The following CNNM2 variants were observed in gnomAD, a reference collection of about 807,000 sequenced individuals.
CNNM2 encodes cyclin and CBS domain divalent metal cation transport mediator 2, also known as metal transporter CNNM2.
Under a neutral mutation model 66.9 loss-of-function variants are expected in CNNM2, and 12 were observed. The observed-to-expected ratio is 0.18, with a 90% CI of 0.11 to 0.29. The LOEUF is 0.29. Among genes scored for constraint, CNNM2 ranks in the 10% least tolerant of loss-of-function variants. The pLI is 1.00. For missense variants in CNNM2, 705 were observed against 1,167.7 expected, an observed-to-expected ratio of 0.60 and a Z score of 5.77; for synonymous variants, 557 against 501.8, an observed-to-expected ratio of 1.11 and a Z score of -1.47.
At chr10:103,065,685 G>C (rs1219030254) in intron 4 of CNNM2, among the ~76,000 whole-genome samples, 1 of 152,206 alleles carries the variant, frequency 6.6e-6, no homozygotes, top group Non-Finnish European at 1.5e-5. Context: ...CACTGCATTT[G>C]ACTCTTCCTC....
chr10:103,074,891 T>TA (rs1335849955), intron 6 of CNNM2, among the ~76,000 whole-genome samples: 2 of 152,136 alleles, frequency 1.3e-5, no homozygotes, highest in Non-Finnish European at 1.5e-5. Context: ...TTGGAGTACT[T>TA]ATGTTTTGTT....
At chr10:103,001,602 C>A (rs1214094880) in intron 1 of CNNM2, among the ~76,000 whole-genome samples, 1 of 152,098 alleles carries the variant, frequency 6.6e-6, no homozygotes, top group Non-Finnish European at 1.5e-5. Flanking sequence ...AAACAGTGTG[C>A]TGAGACAATT....
intron 1 of CNNM2, among the ~76,000 whole-genome samples, chr10:102,975,558 A>G (rs2063616292): frequency 6.6e-6 from 1 of 151,792 alleles, no homozygotes; most frequent in South Asian, 2.1e-4. Context: ...AAATACATGT[A>G]TGTACACTGA....
At chr10:103,068,026 C>G (rs574746211) in intron 4 of CNNM2, among the ~76,000 whole-genome samples, 1 of 152,308 alleles carries the variant, frequency 6.6e-6, no homozygotes, top group East Asian at 1.9e-4. Context: ...CAAACCATGT[C>G]GGCCCTTGAC....
At chr10:102,986,756 G>A (rs1008173412) in intron 1 of CNNM2, among the ~76,000 whole-genome samples, 1 of 147,704 alleles carries the variant, frequency 6.8e-6, no homozygotes, top group African/African-American at 2.5e-5. Context: ...CTCCAGCCGG[G>A]GTGACAGTGC....
chr10:103,047,879 T>TA (rs1432774107), intron 1 of CNNM2, among the ~76,000 whole-genome samples: 1 of 152,212 alleles, frequency 6.6e-6, no homozygotes, highest in African/African-American at 2.4e-5. Context: ...GAGAAGCTGT[T>TA]ACGCTCGTGG....
chr10:102,949,889 T>G (rs1846764739), intron 1 of CNNM2, among the ~76,000 whole-genome samples: 1 of 152,204 alleles, frequency 6.6e-6, no homozygotes, highest in South Asian at 2.1e-4. Context: ...TATTGGGTTG[T>G]GAATAAGCTT....
rs182442281 is a variant in CNNM2, at chr10:102,973,650, C to T, written c.1621+53549C>T. Among the ~76,000 whole-genome samples, 14 of 152,092 alleles carry T rather than the reference C, an allele frequency of 9.2e-5. No homozygotes were observed. In the East Asian group the frequency reaches 1.5e-3, roughly 17 times the overall value. ...GGGATTACAGGCATGAGCCACTGTG[C>T]CTGGCCTTATGCAGTGACTTTTAAT... On this transcript the variant is annotated intron_variant, in intron 1 of 7. Coordinates refer to ENST00000369878, the MANE Select transcript of CNNM2 (RefSeq NM_017649.5).
At chr10:102,966,982 G>A (rs1411028421) in intron 1 of CNNM2, among the ~76,000 whole-genome samples, 1 of 152,130 alleles carries the variant, frequency 6.6e-6, no homozygotes, top group African/African-American at 2.4e-5. Context: ...CAATCTGGTA[G>A]GTCCATGGGG....
rs1376091088 is a variant in CNNM2, at chr10:102,918,684, G to C, written c.204G>C (p.Glu68Asp). 1 of 1,555,250 alleles carries C rather than the reference G, an allele frequency of 6.4e-7. No homozygotes were observed. The highest frequency in any genetic ancestry group is 8.7e-7 in the Non-Finnish European group (1 of 1,150,020). The change falls in exon 1 of 8, where the codon GAG (glutamate) becomes GAC (aspartate). Residue 68 changes from glutamate (E) to aspartate (D), a missense_variant. Around this residue, in one of 9 missense-constraint regions of CNNM2, gnomAD observed 37 missense variants for 58.5 expected, o/e 0.63. Coordinates refer to ENST00000369878, the MANE Select transcript of CNNM2 (RefSeq NM_017649.5). This position sits in a 1 kb window ranked among gnomAD's most constrained non-coding sequence, Gnocchi z 4.1. ...CGAGGCAAVG[E>D]NEETVIIGLR... ...CGGGCGGCTGCGCAGCGGTGGGCGA[G>C]AATGAGGAGACGGTGATCATCGGGC...
chr10:102,932,431 G>C (rs1181620321), intron 1 of CNNM2, among the ~76,000 whole-genome samples: 1 of 152,012 alleles, frequency 6.6e-6, no homozygotes, highest in East Asian at 1.9e-4. Context: ...AAAGATTTAT[G>C]CCTATGTTTT....
chr10:103,058,840 CTCAG>C (rs2065337665), intron 4 of CNNM2, among the ~76,000 whole-genome samples: 1 of 152,206 alleles, frequency 6.6e-6, no homozygotes, highest in Non-Finnish European at 1.5e-5. Context: ...CCCTCACAGC[CTCAG>C]TCAATCTGGC....
chr10:102,944,401 C>T (rs1282292520), intron 1 of CNNM2, among the ~76,000 whole-genome samples: 1 of 152,106 alleles, frequency 6.6e-6, no homozygotes, highest in Non-Finnish European at 1.5e-5. Context: ...CTTATAGTAC[C>T]TGTCTGGAAA....
chr10:103,034,057 ATAAT>A (rs1168401848), intron 1 of CNNM2, among the ~76,000 whole-genome samples: 3 of 152,212 alleles, frequency 2.0e-5, no homozygotes, highest in South Asian at 2.1e-4. Flanking sequence ...TTTACAGAAG[ATAAT>A]TAATACATTG....
chr10:103,080,018 G>C lies in CNNM2; in HGVS notation c.*2838G>C, dbSNP rs2065741418. On this transcript the variant is annotated 3_prime_UTR_variant, in exon 8 of 8. Coordinates refer to ENST00000369878, the MANE Select transcript of CNNM2 (RefSeq NM_017649.5). ...CATTCATCTCTACAAAGCCAGTGGG[G>C]TCCGGCAGAGAAAGACCGTGGAATA... is the stretch of plus-strand genomic sequence containing the variant. The C allele has an allele frequency of 6.6e-6, 1 of 152,206 alleles. No homozygotes were observed. Among genetic ancestry groups the C allele is most frequent in the South Asian group, 2.1e-4 (1 of 4,822 alleles). 9.4% of individuals were successfully genotyped at this position (152,206 alleles called of 1,614,324 possible).
intron 2 of CNNM2, among the ~76,000 whole-genome samples, chr10:103,053,401 CA>C (rs1205166941): frequency 6.6e-6 from 1 of 152,162 alleles, no homozygotes. Flanking sequence ...CCTGCAGTCC[CA>C]GCTACTTGGG....
rs1295741367 is a variant in CNNM2 at position 103,077,284 on chromosome 10, C to T, written c.*104C>T. The T allele has an allele frequency of 2.0e-6, 2 of 1,015,242 alleles. No individual in the cohort carries two copies. The highest frequency in any genetic ancestry group is 2.9e-6 in the Non-Finnish European group (2 of 683,714). 62.9% of individuals were successfully genotyped at this position (1,015,242 alleles called of 1,614,324 possible). The stretch of plus-strand genomic sequence containing the variant: ...GTGTGAGCTTGTCCGCCATGCTGTA[C>T]CCTGCAACATCCTGAGACCAAAGAC... On this transcript the variant is annotated 3_prime_UTR_variant, in exon 8 of 8. Coordinates refer to ENST00000369878, the MANE Select transcript of CNNM2 (RefSeq NM_017649.5).
chr10:103,015,978 T>C (rs2064439707), intron 1 of CNNM2, among the ~76,000 whole-genome samples: 1 of 152,186 alleles, frequency 6.6e-6, no homozygotes, highest in African/African-American at 2.4e-5. Context: ...CTTGCCCCCT[T>C]ACAGCTTTTA....
At chr10:102,955,069 A>C (rs911258951) in intron 1 of CNNM2, among the ~76,000 whole-genome samples, 1 of 152,220 alleles carries the variant, frequency 6.6e-6, no homozygotes, top group Admixed American at 6.5e-5. Flanking sequence ...CGTGTTGCCA[A>C]GACAGTCCTA....
Sources: allele counts gnomAD v4.1 joint callset (sites outside exome capture counted in the v4.1 genomes callset), GRCh38; gene constraint gnomAD v4.1.1; regional missense constraint gnomAD v4.1.1; non-coding constraint Gnocchi (gnomAD v3.1); transcripts MANE v1.5; gene names NCBI Gene and HGNC (gene_info 2026-07-23, HGNC 2026-07-21).